The following ATF6 variants were observed in gnomAD, a reference collection of about 807,000 sequenced individuals.
ATF6 encodes the protein activating transcription factor 6.
Under a neutral mutation model 83.6 loss-of-function variants are expected in ATF6, and 53 were observed. The observed-to-expected ratio is 0.63, with a 90% CI of 0.51 to 0.80. ATF6 has a LOEUF of 0.80. ATF6 is among the 30% of genes least tolerant of loss of function. The pLI is 0.00. For synonymous variants in ATF6, 288 were observed against 285.8 expected, an observed-to-expected ratio of 1.01 and a Z score of -0.08; for missense variants, 744 against 797.9, an observed-to-expected ratio of 0.93 and a Z score of 0.81.
intron 7 of ATF6, among the ~76,000 whole-genome samples, chr1:161,811,889 G>C (rs775710769): frequency 1.3e-5 from 2 of 152,032 alleles, no homozygotes; most frequent in Non-Finnish European, 2.9e-5. Flanking sequence ...CTAAGACTAG[G>C]TACATTCTTT....
At chr1:161,925,588 TA>T (rs1211645788) in intron 15 of ATF6, among the ~76,000 whole-genome samples, 1 of 152,218 alleles carries the variant, frequency 6.6e-6, no homozygotes, top group Non-Finnish European at 1.5e-5. Flanking sequence ...ATCTTACTTG[TA>T]ATCAGTAGTT....
intron 15 of ATF6, among the ~76,000 whole-genome samples, chr1:161,944,258 A>G (rs1262569649): frequency 1.3e-5 from 2 of 152,206 alleles, no homozygotes; most frequent in Non-Finnish European, 2.9e-5. Flanking sequence ...CAGTTACTAT[A>G]TCATAGAGGA....
intron 12 of ATF6, among the ~76,000 whole-genome samples, chr1:161,859,700 G>A (rs1686839854): frequency 1.3e-5 from 2 of 152,224 alleles, no homozygotes; most frequent in East Asian, 3.9e-4. Context: ...GGCCACTAAT[G>A]GGTGTAGATT....
chr1:161,935,620 G>A (rs1688520966), intron 15 of ATF6, among the ~76,000 whole-genome samples: 2 of 152,174 alleles, frequency 1.3e-5, no homozygotes, highest in South Asian at 4.1e-4. Flanking sequence ...TGTATTATTA[G>A]GTTAGTGCAA....
intron 7 of ATF6, among the ~76,000 whole-genome samples, chr1:161,809,462 G>A (rs945368565): frequency 6.6e-6 from 1 of 152,140 alleles, no homozygotes; most frequent in Non-Finnish European, 1.5e-5. Flanking sequence ...ATTTGGGTTG[G>A]TTCCAAGTCT....
chr1:161,820,754 T>C (rs12405533), intron 8 of ATF6, among the ~76,000 whole-genome samples: 21,522 of 151,800 alleles, frequency 0.14, 2,092 homozygotes, highest in East Asian at 0.31. Flanking sequence ...CTCAAAAAAA[T>C]ATATATACAT....
At chr1:161,836,814 A>C (rs1686229300) in intron 9 of ATF6, among the ~76,000 whole-genome samples, 1 of 152,176 alleles carries the variant, frequency 6.6e-6, no homozygotes, top group Non-Finnish European at 1.5e-5. Flanking sequence ...TCATTGTTGT[A>C]ATGAAGGGAA....
chr1:161,786,378 A>C (rs1684749396), intron 4 of ATF6, among the ~76,000 whole-genome samples: 1 of 152,022 alleles, frequency 6.6e-6, no homozygotes, highest in Non-Finnish European at 1.5e-5. Context: ...TAGTTTGTGA[A>C]ATAAGCTGCA....
intron 14 of ATF6, among the ~76,000 whole-genome samples, chr1:161,869,494 A>G (rs1338694337): frequency 1.3e-5 from 2 of 151,744 alleles, no homozygotes; most frequent in Non-Finnish European, 3.0e-5. Flanking sequence ...TCTTATCTCC[A>G]CTTTCATGGC....
chr1:161,841,966 A>G (rs1686368614), intron 9 of ATF6, among the ~76,000 whole-genome samples: 1 of 152,208 alleles, frequency 6.6e-6, no homozygotes, highest in Admixed American at 6.5e-5. Context: ...TGTGAGGTGA[A>G]ATGCCAGTTT....
At chr1:161,807,695 A>G (rs1685325096) in intron 7 of ATF6, among the ~76,000 whole-genome samples, 1 of 152,198 alleles carries the variant, frequency 6.6e-6, no homozygotes, top group African/African-American at 2.4e-5. Flanking sequence ...TTTATCTTGA[A>G]TAGCAGTTCA....
At chr1:161,778,400 T>A in intron 2 of ATF6, 80 bp downstream of exon 2, 1 of 1,099,980 alleles carries the variant, frequency 9.1e-7, no homozygotes, top group Non-Finnish European at 1.4e-6. Context: ...GGACAACAGG[T>A]TCAGGCTAGT....
chr1:161,935,412 C>G (rs1342395092), intron 15 of ATF6, among the ~76,000 whole-genome samples: 2 of 152,178 alleles, frequency 1.3e-5, no homozygotes, highest in Admixed American at 6.5e-5. Context: ...TTTGAAGACA[C>G]AGTGAGAAGA....
At chr1:161,898,712 T>C (rs1406390610) in intron 14 of ATF6, among the ~76,000 whole-genome samples, 6 of 152,056 alleles carry the variant, frequency 3.9e-5, no homozygotes, top group Non-Finnish European at 8.8e-5. Flanking sequence ...CACGCCCAGC[T>C]AATTTTTGTA....
chr1:161,774,677 C>G (rs926716730), intron 1 of ATF6, among the ~76,000 whole-genome samples: 1 of 152,180 alleles, frequency 6.6e-6, no homozygotes, highest in Non-Finnish European at 1.5e-5. Context: ...AAAAGAAGGC[C>G]ACTTTCCTCT....
chr1:161,924,640 A>T (rs1688275302), intron 15 of ATF6, among the ~76,000 whole-genome samples: 1 of 152,222 alleles, frequency 6.6e-6, no homozygotes. Context: ...AGACAAATGT[A>T]ACCTGCACAA....
chr1:161,860,212 T>C lies in ATF6; in HGVS notation c.1539T>C (p.Ala513=). ...NQQKTRILQG[A]LEQGSNSQLM... ...TTTTTTTTTTAATATTCCAGGGTGC[T>C]CTGGAACAGGGCTCAAATTCTCAGC... Residue 513 remains alanine, a synonymous_variant, in exon 13 of 16, where the codon GCT becomes GCC. Transcript: ENST00000367942. 8.2e-6 allele frequency: 13 copies of C among 1,586,862 alleles called. No individual in the cohort carries two copies. Among genetic ancestry groups the C allele is most frequent in the Non-Finnish European group, 1.1e-5 (13 of 1,165,538 alleles).
At chr1:161,777,015 G>T (rs1418395573) in intron 1 of ATF6, among the ~76,000 whole-genome samples, 2 of 152,210 alleles carry the variant, frequency 1.3e-5, no homozygotes, top group East Asian at 1.9e-4. Flanking sequence ...GTCAAGTGAA[G>T]AAAATGCTTC....
intron 2 of ATF6, 87 bp downstream of exon 2, chr1:161,778,407 T>C: frequency 9.5e-7 from 1 of 1,049,946 alleles, no homozygotes; most frequent in Non-Finnish European, 1.4e-6. Context: ...AGGTTCAGGC[T>C]AGTAATTTAA....
Sources: allele counts gnomAD v4.1 joint callset (sites outside exome capture counted in the v4.1 genomes callset), GRCh38; gene constraint gnomAD v4.1.1; transcripts MANE v1.5; gene names NCBI Gene and HGNC (gene_info 2026-07-23, HGNC 2026-07-21).